KLHL29: variants seen among roughly 807,000 people sequenced by gnomAD.
The protein encoded by KLHL29 is kelch like family member 29.
KLHL29 carries 21 observed loss-of-function variants against 80.4 expected under a neutral mutation model. That is an observed-to-expected ratio of 0.26 (90% CI 0.19 to 0.38). KLHL29 has a LOEUF of 0.38. Ranked by LOEUF, KLHL29 falls within the 10% of genes least tolerant of loss-of-function variation. The pLI is 1.00. For synonymous variants in KLHL29, 511 were observed against 526.8 expected, an observed-to-expected ratio of 0.97 and a Z score of 0.41; for missense variants, 867 against 1,223.9, an observed-to-expected ratio of 0.71 and a Z score of 4.35.
At chr2:23,555,741 T>A (rs756264602) in intron 2 of KLHL29, among the ~76,000 whole-genome samples, 10 of 152,298 alleles carry the variant, frequency 6.6e-5, no homozygotes, top group South Asian at 2.1e-4. Flanking sequence ...CTCCTGGAGA[T>A]AAGTGATGGG....
chr2:23,605,436 T>C (rs1668684529), intron 3 of KLHL29, among the ~76,000 whole-genome samples: 1 of 152,014 alleles, frequency 6.6e-6, no homozygotes, highest in Admixed American at 6.5e-5. Flanking sequence ...GCGGCTCTTG[T>C]ATCACAGCTG....
chr2:23,580,369 C>G (rs1185421115), intron 3 of KLHL29, among the ~76,000 whole-genome samples: 1 of 124,406 alleles, frequency 8.0e-6, no homozygotes, highest in Non-Finnish European at 1.7e-5. Flanking sequence ...GAGACTCTGT[C>G]TCATAAAAAA....
chr2:23,650,383 T>C (rs1340820102), intron 5 of KLHL29, among the ~76,000 whole-genome samples: 1 of 152,212 alleles, frequency 6.6e-6, no homozygotes, highest in African/African-American at 2.4e-5. Context: ...GCACACAGTT[T>C]GCAGGGCCTG....
In KLHL29 at chr2:23,457,624, A is replaced by G. The variant is rs1381676310; in HGVS notation, c.-153-17936A>G. On this transcript the variant is annotated intron_variant, in intron 1 of 13. Transcript: ENST00000486442. This position sits in a 1 kb window ranked among gnomAD's most constrained non-coding sequence, Gnocchi z 4.3. ...TCCCACTGGTGCTGGATGGCCAACA[A>G]TAAATTCCCAGGCTCTGAAGCACCA... Among the ~76,000 whole-genome samples, 2 of 152,162 alleles carry G rather than the reference A, an allele frequency of 1.3e-5. No individual in the cohort carries two copies. The highest frequency in any genetic ancestry group is 4.8e-5 in the African/African-American group (2 of 41,416).
chr2:23,622,341 C>T (rs1165353253), intron 3 of KLHL29, among the ~76,000 whole-genome samples: 3 of 152,186 alleles, frequency 2.0e-5, no homozygotes, highest in African/African-American at 4.8e-5. Flanking sequence ...AGGCAGCTTT[C>T]CTGGACTCAC....
intron 3 of KLHL29, among the ~76,000 whole-genome samples, chr2:23,563,276 G>A (rs771517626): frequency 3.9e-5 from 6 of 152,248 alleles, no homozygotes; most frequent in Non-Finnish European, 7.3e-5. Flanking sequence ...GTCCTCCATC[G>A]TGCTGGCTGC....
intron 2 of KLHL29, among the ~76,000 whole-genome samples, chr2:23,530,310 C>T (rs987031693): frequency 6.6e-6 from 1 of 152,200 alleles, no homozygotes; most frequent in Admixed American, 6.5e-5. Context: ...CTTGTCCTCC[C>T]AACCTGTCAG....
intron 5 of KLHL29, among the ~76,000 whole-genome samples, chr2:23,656,397 G>A (rs1268561029): frequency 6.6e-6 from 1 of 152,186 alleles, no homozygotes; most frequent in South Asian, 2.1e-4. Flanking sequence ...AGGCGAAGGG[G>A]AAGGGCTGTG....
At chr2:23,626,198 T>TCA (rs759004028) in intron 3 of KLHL29, among the ~76,000 whole-genome samples, 40 of 152,280 alleles carry the variant, frequency 2.6e-4, no homozygotes, top group Middle Eastern at 3.4e-3. Context: ...CATGCACAGT[T>TCA]CACAACAGGG....
chr2:23,394,475 C>G (rs1444559779), intron 1 of KLHL29, among the ~76,000 whole-genome samples: 1 of 152,114 alleles, frequency 6.6e-6, no homozygotes, highest in Non-Finnish European at 1.5e-5. Flanking sequence ...TAGAGAGATC[C>G]AAGCATTTGC....
At chr2:23,610,513 A>G (rs986602558) in intron 3 of KLHL29, among the ~76,000 whole-genome samples, 3 of 152,214 alleles carry the variant, frequency 2.0e-5, no homozygotes, top group Non-Finnish European at 4.4e-5. Context: ...ATCTCTCCTC[A>G]GTTCCGCACT....
chr2:23,527,627 G>A (rs142303508), intron 2 of KLHL29, among the ~76,000 whole-genome samples: 176 of 152,318 alleles, frequency 1.2e-3, no homozygotes, highest in African/African-American at 3.9e-3. Flanking sequence ...TTGACAGCAC[G>A]GTGAAAGCAG....
intron 1 of KLHL29, among the ~76,000 whole-genome samples, chr2:23,408,439 G>C (rs953188738): frequency 6.6e-6 from 1 of 150,944 alleles, no homozygotes; most frequent in Non-Finnish European, 1.5e-5. Context: ...TGCTCTCTCT[G>C]TGTTTATTTG....
At chr2:23,537,997 A>T (rs1228284246) in intron 2 of KLHL29, among the ~76,000 whole-genome samples, 2 of 152,212 alleles carry the variant, frequency 1.3e-5, no homozygotes, top group African/African-American at 4.8e-5. Context: ...GTTGCTCCAG[A>T]AGCACTGAGG....
At chr2:23,499,493 A>G (rs1665368558) in intron 2 of KLHL29, among the ~76,000 whole-genome samples, 2 of 152,186 alleles carry the variant, frequency 1.3e-5, no homozygotes, top group Non-Finnish European at 2.9e-5. Context: ...GCTGGGCTTT[A>G]GGTGACTTGG....
chr2:23,703,038 C>T lies in KLHL29; in HGVS notation c.2106-148C>T, dbSNP rs550333714. ...CCCCAGGAGGTCTTGAGTGTCTCAT[C>T]GCAGTGCCCCCCACTGCTGGTGTGA... is the stretch of plus-strand genomic sequence containing the variant. On this transcript the variant is annotated intron_variant, in intron 11 of 13. Transcript: ENST00000486442. The T allele has an allele frequency of 8.8e-5, 44 of 498,198 alleles. No homozygotes were observed. The South Asian group carries it at 2.1e-3, about 24-fold the overall frequency. 30.9% of individuals were successfully genotyped at this position (498,198 alleles called of 1,614,324 possible).
intron 1 of KLHL29, among the ~76,000 whole-genome samples, chr2:23,413,715 TC>T (rs1273850126): frequency 3.9e-5 from 6 of 152,212 alleles, no homozygotes; most frequent in Non-Finnish European, 1.5e-5. Flanking sequence ...TTGTTCATTT[TC>T]CCATTTGTTC....
At chr2:23,678,620 T>A (rs894670600) in intron 5 of KLHL29, among the ~76,000 whole-genome samples, 1 of 152,218 alleles carries the variant, frequency 6.6e-6, no homozygotes, top group Admixed American at 6.5e-5. Context: ...TAAGTGCTCA[T>A]AGCAGCATTG....
chr2:23,425,767 A>G (rs577852007), intron 1 of KLHL29, among the ~76,000 whole-genome samples: 57 of 152,338 alleles, frequency 3.7e-4, no homozygotes, highest in Admixed American at 3.1e-3. Flanking sequence ...TGGCTGTCAC[A>G]TGACTTGGCA....
Sources: allele counts gnomAD v4.1 joint callset (sites outside exome capture counted in the v4.1 genomes callset), GRCh38; gene constraint gnomAD v4.1.1; non-coding constraint Gnocchi (gnomAD v3.1); transcripts MANE v1.5; gene names NCBI Gene and HGNC (gene_info 2026-07-23, HGNC 2026-07-21).